PARP10: variants seen among roughly 807,000 people sequenced by gnomAD.
The protein encoded by PARP10 is protein mono-ADP-ribosyltransferase PARP10.
PARP10 carries 56 observed loss-of-function variants against 82.4 expected under a neutral mutation model. That is an observed-to-expected ratio of 0.68 (90% CI 0.55 to 0.85). The LOEUF (loss-of-function observed/expected upper bound fraction) is 0.85, where lower values mean the gene tolerates loss of function less well. Among genes scored for constraint, PARP10 ranks in the 40% least tolerant of loss-of-function variants. The pLI is 0.00. For synonymous variants in PARP10, 576 were observed against 601.1 expected (o/e 0.96, Z 0.61); for missense variants, 1,227 against 1,379.4 (o/e 0.89, Z 1.75).
Position 143,983,782 on chromosome 8 carries a change from C to T in PARP10, c.1807G>A (p.Glu603Lys), listed in dbSNP as rs782141290. Residue 603 changes from glutamate (E) to lysine (K), a missense_variant, in exon 8 of 11, where the codon GAG becomes AAG. Physicochemically the swap from Glu to Lys is moderately conservative, Grantham distance 56. Transcript: ENST00000313028. ...EEVRELLATL[E>K]GLDLDGEDWL... ...TCCTCCCCGTCTAGGTCTAGGCCCTCCAGGGTGGCCAGCAGTTCTCGGACC... is the reference window on the plus strand; with the variant it reads ...TCCTCCCCGTCTAGGTCTAGGCCCTTCAGGGTGGCCAGCAGTTCTCGGACC... The T allele has an allele frequency of 5.0e-6, 8 of 1,599,956 alleles. No individual in the cohort carries two copies. In the Admixed American group the frequency reaches 5.1e-5, roughly 10 times the overall value.
At chr8:144,007,417 C>T (rs960223754) in intron 1 of PARP10, among the ~76,000 whole-genome samples, 2 of 152,220 alleles carry the variant, frequency 1.3e-5, no homozygotes, top group Non-Finnish European at 2.9e-5. Flanking sequence ...CTCAGACACT[C>T]AGAAGCCAGT....
Position 143,984,066 on chromosome 8 carries a change from G to A in PARP10, c.1719C>T (p.Asn573=), listed in dbSNP as rs967686723. ...PTEALPVLPG[N]AHTLWTPDST... is the part of the protein sequence containing the mutation. ...TGTCTGGGGTCCACAGGGTGTGGGC[G>A]TTGCCAGGGAGCACTGGGAGGGCCT... is the stretch of plus-strand genomic sequence containing the variant. Residue 573 remains asparagine, a synonymous_variant, in exon 7 of 11, where the codon AAC becomes AAT. Transcript: ENST00000313028. 1.6e-5 allele frequency: 25 copies of A among 1,547,918 alleles called. No individual in the cohort carries two copies. The highest frequency in any genetic ancestry group is 6.8e-5 in the East Asian group (3 of 44,302).
At chr8:144,001,549 A>C (rs1218985296) in intron 1 of PARP10, among the ~76,000 whole-genome samples, 1 of 152,120 alleles carries the variant, frequency 6.6e-6, no homozygotes, top group Non-Finnish European at 1.5e-5. Context: ...TGTACTAAAA[A>C]TACAAAACTA....
At position 143,985,353 on chromosome 8, in the gene PARP10, A is replaced by G. The variant is rs374176548; in HGVS notation, c.674-25T>C. ...ACTTGGAGGAAGGGAAAGGACAGAA[A>G]GCCTGTCAGATTTCTGCAGGAGAGG... On this transcript the variant is annotated intron_variant, in intron 4 of 10. Coordinates refer to ENST00000313028, the MANE Select transcript of PARP10 (RefSeq NM_032789.5). 5.0e-6 allele frequency: 8 copies of G among 1,593,378 alleles called. No individual in the cohort carries two copies. In the East Asian group the frequency reaches 1.6e-4, roughly 32 times the overall value.
chr8:144,007,530 A>G (rs1297269867), intron 1 of PARP10, among the ~76,000 whole-genome samples: 2 of 152,232 alleles, frequency 1.3e-5, no homozygotes, highest in Non-Finnish European at 2.9e-5. Context: ...ATGCATTCCT[A>G]TATTTATTGA....
chr8:143,983,549 C>T lies in PARP10; in HGVS notation c.2040G>A (p.Arg680=). The T allele has an allele frequency of 1.2e-6, 2 of 1,606,408 alleles. No homozygotes were observed. The highest frequency in any genetic ancestry group is 4.5e-5 in the East Asian group (2 of 44,656). ...VAEQEEAAAL[R]QALTLSLLEQ... is the part of the protein sequence containing the mutation. ...CCAGCAGGGAGAGGGTTAGGGCTTG[C>T]CGCAGGGCAGCAGCCTCCTCCTGCT... The change falls in exon 8 of 11, where the codon CGG becomes CGA. Residue 680 remains arginine (R), a synonymous_variant. Coordinates refer to ENST00000313028, the MANE Select transcript of PARP10 (RefSeq NM_032789.5).
At chr8:144,006,846 C>T (rs1288479243) in intron 1 of PARP10, among the ~76,000 whole-genome samples, 2 of 152,204 alleles carry the variant, frequency 1.3e-5, no homozygotes, top group Non-Finnish European at 2.9e-5. Flanking sequence ...ACTTCCCAGC[C>T]TCTAGAACCA....
At chr8:143,992,797 A>G, upstream of PARP10, 1 of 1,613,784 alleles carries the variant, frequency 6.2e-7, no homozygotes, top group Non-Finnish European at 8.5e-7. Flanking sequence ...CATCATCAAC[A>G]TCTTCCTGTA....
At chr8:143,992,924 C>A, upstream of PARP10, 7 of 1,201,402 alleles carry the variant, frequency 5.8e-6, no homozygotes, top group South Asian at 1.4e-5. Flanking sequence ...AGCTGTACTT[C>A]CCCTCTCTCT....
intron 1 of PARP10, among the ~76,000 whole-genome samples, chr8:144,010,100 C>T (rs1380575668): frequency 6.6e-6 from 1 of 152,222 alleles, no homozygotes; most frequent in Non-Finnish European, 1.5e-5. Flanking sequence ...CTGTGCTCTA[C>T]CACACTTTTG....
rs991335000 is a variant in PARP10 at position 144,011,693 on chromosome 8, C to T, written c.-80+837G>A. ...ACCAGGTGAGGGATGCAGTCTTGGG[C>T]TCCTGAAGGACTAAAGTCAGGAAAA... On this transcript the variant is annotated intron_variant, in intron 1 of 3. Transcript: ENST00000530478. This position sits in a 1 kb window ranked among gnomAD's most constrained non-coding sequence, Gnocchi z 4.5. Among the ~76,000 whole-genome samples the T allele has an allele frequency of 6.6e-6, 1 of 152,198 alleles. No individual in the cohort carries two copies. Among genetic ancestry groups the T allele is most frequent in the Middle Eastern group, 3.4e-3 (1 of 294 alleles).
At chr8:143,992,839 T>C (rs1834124038), upstream of PARP10, 1 of 1,612,878 alleles carries the variant, frequency 6.2e-7, no homozygotes, top group African/African-American at 1.3e-5. Context: ...CGCCAAGGAG[T>C]AGCCGAGCTC....
chr8:144,006,786 C>A (rs1239599362), intron 1 of PARP10, among the ~76,000 whole-genome samples: 4 of 152,216 alleles, frequency 2.6e-5, no homozygotes, highest in Non-Finnish European at 5.9e-5. Context: ...ATCTGCGCAC[C>A]AGGAAAGGGT....
intron 1 of PARP10, among the ~76,000 whole-genome samples, chr8:144,004,710 C>T (rs1282631216): frequency 6.6e-6 from 1 of 152,164 alleles, no homozygotes. Flanking sequence ...ACTCATTCTC[C>T]ACTCAGGAAC....
intron 9 of PARP10, among the ~76,000 whole-genome samples, chr8:143,981,319 T>C (rs1833846337): frequency 8.1e-6 from 1 of 124,066 alleles, no homozygotes; most frequent in Non-Finnish European, 1.8e-5. Flanking sequence ...GTGGTGGTGA[T>C]GGTGGTGACG....
intron 9 of PARP10, among the ~76,000 whole-genome samples, chr8:143,982,702 G>A (rs1215985635): frequency 2.0e-5 from 3 of 152,208 alleles, no homozygotes; most frequent in African/African-American, 7.2e-5. Context: ...GTGGCAGAGT[G>A]GGGACCCTCA....
chr8:144,002,801 A>G (rs1554751781), intron 1 of PARP10, among the ~76,000 whole-genome samples: 1 of 152,200 alleles, frequency 6.6e-6, no homozygotes, highest in African/African-American at 2.4e-5. Flanking sequence ...TCATCAAAAG[A>G]TACCTTAAAT....
Position 143,984,836 on chromosome 8 carries a change from T to G in PARP10, c.1166A>C (p.Glu389Ala). 6.2e-7 allele frequency: 1 copy of G among 1,612,488 alleles called. No homozygotes were observed. Among genetic ancestry groups the G allele is most frequent in the Non-Finnish European group, 8.5e-7 (1 of 1,178,992 alleles). The change falls in exon 5 of 11, where the codon GAG (glutamate) becomes GCG (alanine). Residue 389 changes from glutamate (E) to alanine (A), a missense_variant. Coordinates refer to ENST00000313028, the MANE Select transcript of PARP10 (RefSeq NM_032789.5). ...LGPVGSAGPVETSKGLLGQEG... is the reference protein window; with the variant it reads ...LGPVGSAGPVATSKGLLGQEG... The stretch of plus-strand genomic sequence containing the variant: ...CTGCCCCAGCAACCCCTTAGAGGTC[T>G]CCACTGGGCCTGCAGACCCCACAGG...
intron 1 of PARP10, among the ~76,000 whole-genome samples, chr8:144,009,569 T>C (rs1256893022): frequency 4.6e-5 from 7 of 152,196 alleles, no homozygotes; most frequent in South Asian, 2.1e-4. Context: ...TAGGAGCTGA[T>C]ACCTCTAACG....
Sources: allele counts gnomAD v4.1 joint callset (sites outside exome capture counted in the v4.1 genomes callset), GRCh38; gene constraint gnomAD v4.1.1; non-coding constraint Gnocchi (gnomAD v3.1); transcripts MANE v1.5; gene names NCBI Gene and HGNC (gene_info 2026-07-23, HGNC 2026-07-21).